SAMD4A: variants seen among roughly 807,000 people sequenced by gnomAD.
The protein encoded by SAMD4A is protein Smaug homolog 1.
SAMD4A carries 33 observed loss-of-function variants against 81.3 expected under a neutral mutation model. That is an observed-to-expected ratio of 0.41 (90% CI 0.31 to 0.54). The LOEUF is 0.54. Among genes scored for constraint, SAMD4A ranks in the 20% least tolerant of loss-of-function variants. The probability of loss-of-function intolerance (pLI) is 0.37; values close to 1 mark genes in which losing one functional copy is unlikely to be tolerated. For missense variants in SAMD4A, 854 were observed against 951.1 expected, an observed-to-expected ratio of 0.90 and a Z score of 1.34; for synonymous variants, 389 against 382.1, an observed-to-expected ratio of 1.02 and a Z score of -0.21.
At chr14:54,703,981 A>G (rs914661475) in intron 3 of SAMD4A, 9 of 152,224 alleles carry the variant, frequency 5.9e-5, no homozygotes, top group African/African-American at 1.9e-4. Context: ...AGGATTGTTG[A>G]GTTACAGCTA....
At chr14:54,616,238 G>A (rs1431076050) in intron 2 of SAMD4A, among the ~76,000 whole-genome samples, 3 of 152,090 alleles carry the variant, frequency 2.0e-5, no homozygotes, top group African/African-American at 4.8e-5. Context: ...AAACTATTCA[G>A]CGTTAACCCC....
At chr14:54,586,683 G>A (rs1434381550) in intron 2 of SAMD4A, among the ~76,000 whole-genome samples, 3 of 152,116 alleles carry the variant, frequency 2.0e-5, no homozygotes, top group Non-Finnish European at 4.4e-5. Flanking sequence ...TGAATAGGGT[G>A]TCCTTTTCCC....
Position 54,594,607 on chromosome 14 carries a change from G to A in SAMD4A, c.196+26495G>A, listed in dbSNP as rs1410126335. Among the ~76,000 whole-genome samples the A allele has an allele frequency of 2.6e-5, 4 of 152,248 alleles. 1 individual carries two copies. Among genetic ancestry groups the A allele is most frequent in the African/African-American group, 9.6e-5 (4 of 41,548 alleles). ...GAAGGGAAAGCTTAAGAAAAGGGAG[G>A]TGTAAAAGCCCAAATTTTTATTAGT... On this transcript the variant is annotated intron_variant, in intron 2 of 12. Transcript: ENST00000554335.
At chr14:54,614,468 TTC>T (rs1489119257) in intron 2 of SAMD4A, among the ~76,000 whole-genome samples, 1 of 152,082 alleles carries the variant, frequency 6.6e-6, no homozygotes, top group Non-Finnish European at 1.5e-5. Flanking sequence ...ACTGGAAAAA[TTC>T]TGTTTGTTTA....
intron 9 of SAMD4A, among the ~76,000 whole-genome samples, chr14:54,774,627 C>T (rs150370463): frequency 6.8e-6 from 1 of 146,672 alleles, no homozygotes; most frequent in African/African-American, 2.5e-5. Flanking sequence ...CCAGCCTGGG[C>T]GACATAGTGA....
intron 2 of SAMD4A, among the ~76,000 whole-genome samples, chr14:54,684,369 C>A (rs2036199780): frequency 6.6e-6 from 1 of 152,230 alleles, no homozygotes; most frequent in African/African-American, 2.4e-5. Flanking sequence ...TTTCAACACA[C>A]TTTAAAATGC....
At chr14:54,646,210 A>C (rs1262738738) in intron 2 of SAMD4A, among the ~76,000 whole-genome samples, 1 of 152,158 alleles carries the variant, frequency 6.6e-6, no homozygotes, top group Admixed American at 6.5e-5. Context: ...GTCATATCAG[A>C]GAATTGAGTT....
intron 6 of SAMD4A, among the ~76,000 whole-genome samples, chr14:54,757,481 T>C (rs576626447): frequency 2.0e-5 from 3 of 151,728 alleles, no homozygotes; most frequent in Admixed American, 6.6e-5. Context: ...TCAGATAAGA[T>C]TTGAATGGGG....
intron 2 of SAMD4A, among the ~76,000 whole-genome samples, chr14:54,649,141 A>C (rs2035349690): frequency 6.6e-6 from 1 of 152,232 alleles, no homozygotes; most frequent in African/African-American, 2.4e-5. Flanking sequence ...TTTGGACATA[A>C]GCTAGACATG....
chr14:54,596,723 C>G (rs953312218), intron 2 of SAMD4A, among the ~76,000 whole-genome samples: 1 of 152,240 alleles, frequency 6.6e-6, no homozygotes, highest in Non-Finnish European at 1.5e-5. Context: ...GCCTTTCTCT[C>G]CTCAGGGTCC....
At chr14:54,566,718 A>AGGC (rs1322018042), upstream of SAMD4A, among the ~76,000 whole-genome samples, 23 of 151,752 alleles carry the variant, frequency 1.5e-4, no homozygotes, top group South Asian at 4.8e-3. Flanking sequence ...ACCAGCCCGT[A>AGGC]GGCGGCGGCG....
chr14:54,710,154 C>G (rs1327597902), intron 3 of SAMD4A, among the ~76,000 whole-genome samples: 2 of 152,270 alleles, frequency 1.3e-5, no homozygotes, highest in East Asian at 3.9e-4. Flanking sequence ...TAAATTATGC[C>G]AAAATGCTCC....
intron 3 of SAMD4A, among the ~76,000 whole-genome samples, chr14:54,706,811 C>T (rs2036872123): frequency 6.6e-6 from 1 of 151,832 alleles, no homozygotes; most frequent in African/African-American, 2.4e-5. Context: ...AGAACAGGCT[C>T]ATGAAGGGAG....
intron 6 of SAMD4A, among the ~76,000 whole-genome samples, chr14:54,757,286 G>T (rs1036158560): frequency 1.3e-5 from 2 of 152,012 alleles, no homozygotes; most frequent in African/African-American, 2.4e-5. Flanking sequence ...ACAATGGCTT[G>T]ATGTCTATGA....
intron 2 of SAMD4A, among the ~76,000 whole-genome samples, chr14:54,662,068 A>G (rs1302956647): frequency 1.3e-5 from 2 of 152,218 alleles, no homozygotes; most frequent in Non-Finnish European, 2.9e-5. Flanking sequence ...ACTCTCAGAC[A>G]CAGGGACACT....
intron 2 of SAMD4A, among the ~76,000 whole-genome samples, chr14:54,594,056 CT>C (rs2033851118): frequency 6.6e-6 from 1 of 152,050 alleles, no homozygotes; most frequent in Admixed American, 6.5e-5. Context: ...TTTGTTTCTT[CT>C]GTTGCAGAAG....
chr14:54,770,651 T>C (rs969324652), intron 9 of SAMD4A, among the ~76,000 whole-genome samples: 8 of 152,224 alleles, frequency 5.3e-5, no homozygotes, highest in African/African-American at 1.9e-4. Flanking sequence ...TAATTATAGT[T>C]GGTGGCAGGG....
chr14:54,667,875 G>A (rs930716024), intron 2 of SAMD4A, among the ~76,000 whole-genome samples: 3 of 152,178 alleles, frequency 2.0e-5, no homozygotes, highest in African/African-American at 7.2e-5. Context: ...GAGAGGTTAC[G>A]TGAGCGCCCC....
Position 54,760,841 on chromosome 14 carries a change from C to G in SAMD4A, c.1510+347C>G, listed in dbSNP as rs370191926. Among the ~76,000 whole-genome samples the G allele has an allele frequency of 1.5e-3, 235 of 152,224 alleles. 2 individuals are homozygous for G. The highest frequency in any genetic ancestry group is 5.4e-3 in the African/African-American group (226 of 41,524). On this transcript the variant is annotated intron_variant, in intron 7 of 12. Coordinates refer to ENST00000554335, the MANE Select transcript of SAMD4A (RefSeq NM_015589.6). ...GAAAAAGATGATTTTGGGAACAAAC[C>G]GTTCACTCAGCATCTCACCCTCTCT...
Sources: gnomAD v4.1 joint callset for allele counts (sites outside exome capture counted in the v4.1 genomes callset) on GRCh38, gnomAD v4.1.1 for gene constraint, MANE v1.5 for transcripts, NCBI Gene and HGNC (gene_info 2026-07-23, HGNC 2026-07-21) for gene names.